Variants in MGAM2 observed in about 807,000 individuals in gnomAD.
MGAM2 encodes the protein probable maltase-glucoamylase 2.
MGAM2 carries 98 observed loss-of-function variants against 96.1 expected under a neutral mutation model. The observed-to-expected ratio is 1.02, with a 90% CI of 0.87 to 1.21. The LOEUF (loss-of-function observed/expected upper bound fraction) is 1.21, where lower values mean the gene tolerates loss of function less well. MGAM2 is among the 50% of genes most tolerant of loss of function. The pLI is 0.00. For missense variants in MGAM2, 2,055 were observed against 1,182.4 expected (o/e 1.74, Z -10.82); for synonymous variants, 749 against 414.8 (o/e 1.81, Z -9.79).
intron 46 of MGAM2, among the ~76,000 whole-genome samples, chr7:142,209,001 A>G (rs1797496545): frequency 6.6e-6 from 1 of 152,222 alleles, no homozygotes; most frequent in African/African-American, 2.4e-5. Context: ...GGTATCTAAC[A>G]ATAAGCACTT....
Position 142,171,348 on chromosome 7 carries a change from A to C in MGAM2, c.3259A>C (p.Ile1087Leu). The change falls in exon 28 of 48, where the codon ATC becomes CTC. Residue 1087 changes from isoleucine to leucine, a missense_variant. Coordinates refer to ENST00000477922, the MANE Select transcript of MGAM2 (RefSeq NM_001293626.2). The part of the protein sequence containing the change: ...SISTRLPSQY[I>L]YGFGETEHTT... ...TTCTACGCGTCTGCCGTCCCAGTAC[A>C]TCTATGGCTTTGGGGAAACTGAGCA... The C allele has an allele frequency of 1.4e-6, 1 of 703,074 alleles. No individual in the cohort carries two copies. Among genetic ancestry groups the C allele is most frequent in the Non-Finnish European group, 2.6e-6 (1 of 384,906 alleles). 43.6% of individuals were successfully genotyped at this position (703,074 alleles called of 1,614,324 possible). A position where few individuals can be genotyped will look rare whatever the true frequency, so the allele number is the denominator to read the frequency against.
intron 37 of MGAM2, among the ~76,000 whole-genome samples, chr7:142,190,082 C>T (rs980374624): frequency 6.8e-6 from 1 of 147,280 alleles, no homozygotes; most frequent in Non-Finnish European, 1.5e-5. Context: ...TAAATTGTTT[C>T]CATTTTTTTT....
At chr7:142,173,424 T>G (rs1796264252) in intron 31 of MGAM2, 70 bp downstream of exon 31, 1 of 681,512 alleles carries the variant, frequency 1.5e-6, no homozygotes, top group Non-Finnish European at 2.7e-6. Flanking sequence ...ATATTAGAAG[T>G]GCTATGATGT....
chr7:142,129,409 C>T (rs538340017), intron 3 of MGAM2, among the ~76,000 whole-genome samples: 38 of 152,174 alleles, frequency 2.5e-4, no homozygotes, highest in Non-Finnish European at 3.7e-4. Flanking sequence ...TGTTTTGAAA[C>T]GCGAGGCCAT....
intron 35 of MGAM2, among the ~76,000 whole-genome samples, chr7:142,186,872 C>T (rs1042812409): frequency 6.6e-6 from 1 of 152,112 alleles, no homozygotes; most frequent in Non-Finnish European, 1.5e-5. Context: ...TGTGAAAGGA[C>T]ACAAATTAAC....
At chr7:142,168,562 G>A (rs773785907) in intron 26 of MGAM2, among the ~76,000 whole-genome samples, 8 of 152,066 alleles carry the variant, frequency 5.3e-5, no homozygotes, top group Non-Finnish European at 1.0e-4. Flanking sequence ...GAGCCACCAC[G>A]CCCGGCCTCG....
At chr7:142,184,449 G>A (rs1313741029) in intron 33 of MGAM2, among the ~76,000 whole-genome samples, 1 of 152,122 alleles carries the variant, frequency 6.6e-6, no homozygotes, top group Non-Finnish European at 1.5e-5. Context: ...TGTACTATCT[G>A]TGAACTCTTA....
chr7:142,124,797 T>C (rs995203825), intron 3 of MGAM2, among the ~76,000 whole-genome samples: 1 of 152,156 alleles, frequency 6.6e-6, no homozygotes, highest in Non-Finnish European at 1.5e-5. Flanking sequence ...GCTACTTTTT[T>C]CCTATTTGAT....
intron 45 of MGAM2, among the ~76,000 whole-genome samples, chr7:142,205,642 A>G (rs2129103308): frequency 6.6e-6 from 1 of 152,204 alleles, no homozygotes; most frequent in South Asian, 2.1e-4. Context: ...TATTCTTTTC[A>G]CATTGTAAAA....
intron 2 of MGAM2, among the ~76,000 whole-genome samples, chr7:142,119,054 T>G (rs961804419): frequency 2.0e-5 from 3 of 152,170 alleles, no homozygotes; most frequent in African/African-American, 7.2e-5. Context: ...CTATCAAGAA[T>G]GTGAAAAACA....
intron 45 of MGAM2, among the ~76,000 whole-genome samples, chr7:142,202,572 G>C (rs1427588482): frequency 6.6e-6 from 1 of 151,990 alleles, no homozygotes; most frequent in Non-Finnish European, 1.5e-5. Context: ...TGCATTATTT[G>C]GTTTTCTTTT....
intron 46 of MGAM2, among the ~76,000 whole-genome samples, chr7:142,210,085 C>T (rs1272596389): frequency 1.3e-5 from 2 of 152,100 alleles, no homozygotes; most frequent in Admixed American, 1.3e-4. Context: ...TGTGGTGTCA[C>T]CTCCCCCAGG....
At chr7:142,125,823 A>G (rs1049472162) in intron 3 of MGAM2, among the ~76,000 whole-genome samples, 2 of 152,106 alleles carry the variant, frequency 1.3e-5, no homozygotes, top group African/African-American at 4.8e-5. Flanking sequence ...TTTTGGTGTC[A>G]CAATCCACAC....
At chr7:142,115,308 T>A (rs1205491694) in intron 1 of MGAM2, among the ~76,000 whole-genome samples, 1 of 152,228 alleles carries the variant, frequency 6.6e-6, no homozygotes, top group Non-Finnish European at 1.5e-5. Flanking sequence ...TAGGAGATTA[T>A]GAGCCTCGGT....
chr7:142,191,413 A>G (rs958959959), intron 37 of MGAM2, among the ~76,000 whole-genome samples: 2 of 152,162 alleles, frequency 1.3e-5, no homozygotes, highest in Admixed American at 6.5e-5. Flanking sequence ...TAAGAGCTTT[A>G]TAGTTTTAGG....
At chr7:142,124,547 T>C (rs1475829725) in intron 3 of MGAM2, among the ~76,000 whole-genome samples, 1 of 152,204 alleles carries the variant, frequency 6.6e-6, no homozygotes. Flanking sequence ...TAGCTTATTC[T>C]TTGCCCTTTA....
intron 7 of MGAM2, among the ~76,000 whole-genome samples, chr7:142,135,723 T>TACACAC (rs144830276): frequency 0.027 from 3,854 of 145,166 alleles, 149 homozygotes; most frequent in African/African-American, 0.08. Context: ...CACTTAGAGT[T>TACACAC]ACACACACAC....
chr7:142,144,172 T>TTTATTAA (rs1164741676), intron 13 of MGAM2, among the ~76,000 whole-genome samples: 4 of 152,178 alleles, frequency 2.6e-5, no homozygotes, highest in African/African-American at 9.7e-5. Context: ...ATTAAAACAG[T>TTTATTAA]ATTATAATTG....
intron 42 of MGAM2, among the ~76,000 whole-genome samples, 178 bp from the exon 43 acceptor site, chr7:142,197,961 A>AAC (rs72584761): frequency 6.6e-6 from 1 of 151,994 alleles, no homozygotes; most frequent in Non-Finnish European, 1.5e-5. Context: ...TTTTAAAAAT[A>AAC]GTTTTTTCTG....
Sources: gnomAD v4.1 joint callset for allele counts (sites outside exome capture counted in the v4.1 genomes callset) on GRCh38, gnomAD v4.1.1 for gene constraint, MANE v1.5 for transcripts, NCBI Gene and HGNC (gene_info 2026-07-23, HGNC 2026-07-21) for gene names.